CSMD3: variants seen among roughly 807,000 people sequenced by gnomAD.
CSMD3 encodes the protein CUB and Sushi multiple domains 3, also known as CUB and sushi domain-containing protein 3.
A neutral mutation model predicts 435.2 loss-of-function variants in CSMD3; 177 were observed. The observed-to-expected ratio is 0.41, with a 90% CI of 0.36 to 0.46. The LOEUF is 0.46. Among genes scored for constraint, CSMD3 ranks in the 20% least tolerant of loss-of-function variants. The pLI, the probability that CSMD3 is intolerant of heterozygous loss-of-function variation, is 0.34. For synonymous variants in CSMD3, 1,656 were observed against 1,520.5 expected (o/e 1.09, Z -2.07); for missense variants, 4,265 against 4,504.6 (o/e 0.95, Z 1.52).
At chr8:112,402,456 C>A (rs1831427103) in intron 35 of CSMD3, among the ~76,000 whole-genome samples, 1 of 152,048 alleles carries the variant, frequency 6.6e-6, no homozygotes, top group Non-Finnish European at 1.5e-5. Flanking sequence ...AACACTCTAA[C>A]TAAAGGAATA....
At chr8:112,859,453 C>T (rs1001097637) in intron 10 of CSMD3, among the ~76,000 whole-genome samples, 187 bp from the exon 11 acceptor site, 1 of 151,470 alleles carries the variant, frequency 6.6e-6, no homozygotes, top group Non-Finnish European at 1.5e-5. Context: ...TTCACAAGCT[C>T]GATATTTTCA....
intron 10 of CSMD3, among the ~76,000 whole-genome samples, chr8:112,912,811 T>C (rs937305557): frequency 6.6e-6 from 1 of 151,942 alleles, no homozygotes; most frequent in Non-Finnish European, 1.5e-5. Flanking sequence ...TTGTAAACCA[T>C]ATACCTGATA....
intron 32 of CSMD3, among the ~76,000 whole-genome samples, chr8:112,418,621 A>G (rs1348584868): frequency 6.6e-6 from 1 of 152,190 alleles, no homozygotes. Context: ...ATAAAAGTGT[A>G]GTATTATGAA....
At chr8:112,428,473 A>C (rs2130366845) in intron 32 of CSMD3, among the ~76,000 whole-genome samples, 1 of 152,304 alleles carries the variant, frequency 6.6e-6, no homozygotes, top group Non-Finnish European at 1.5e-5. Flanking sequence ...CAACCACATT[A>C]GAAACCAGGT....
intron 1 of CSMD3, among the ~76,000 whole-genome samples, chr8:113,387,009 C>CT (rs1224573491): frequency 2.0e-5 from 3 of 151,696 alleles, no homozygotes; most frequent in Admixed American, 6.6e-5. Context: ...GGAAAATGAT[C>CT]TTTTTGAGCA....
chr8:112,225,489 A>T (rs1188080939), intron 70 of CSMD3, among the ~76,000 whole-genome samples: 1 of 152,168 alleles, frequency 6.6e-6, no homozygotes, highest in African/African-American at 2.4e-5. Context: ...GGTTAATATG[A>T]AAAGTAACTG....
intron 1 of CSMD3, among the ~76,000 whole-genome samples, chr8:113,339,528 G>A (rs1330288453): frequency 6.6e-6 from 1 of 151,944 alleles, no homozygotes; most frequent in Non-Finnish European, 1.5e-5. Context: ...CTGCTAAAGT[G>A]TCTACCTCTC....
At chr8:112,745,513 T>C (rs1282243470) in intron 13 of CSMD3, among the ~76,000 whole-genome samples, 2 of 152,094 alleles carry the variant, frequency 1.3e-5, no homozygotes, top group East Asian at 1.9e-4. Flanking sequence ...AAAATTATTA[T>C]GCATACTCAG....
At chr8:112,524,420 A>G (rs1824641315) in intron 27 of CSMD3, among the ~76,000 whole-genome samples, 1 of 151,932 alleles carries the variant, frequency 6.6e-6, no homozygotes, top group African/African-American at 2.4e-5. Context: ...GTATGTTTTT[A>G]GTTTTACATT....
At chr8:112,544,039 C>T (rs932111533) in intron 27 of CSMD3, among the ~76,000 whole-genome samples, 2 of 152,018 alleles carry the variant, frequency 1.3e-5, no homozygotes, top group African/African-American at 4.8e-5. Context: ...AGAATCAGAG[C>T]CTGAAATGGT....
intron 38 of CSMD3, among the ~76,000 whole-genome samples, chr8:112,370,256 T>A (rs553982389): frequency 1.4e-4 from 22 of 152,190 alleles, no homozygotes; most frequent in Admixed American, 1.4e-3. Context: ...CAAAACATCA[T>A]CTTGTGTCTT....
chr8:112,885,558 C>T (rs80294154), intron 10 of CSMD3, among the ~76,000 whole-genome samples: 7,335 of 151,640 alleles, frequency 0.048, 236 homozygotes, highest in African/African-American at 0.058. Context: ...ACTTCATGTT[C>T]TTTTGTGGAT....
At chr8:113,099,593 C>T (rs146874180) in intron 4 of CSMD3, among the ~76,000 whole-genome samples, 16 of 152,072 alleles carry the variant, frequency 1.1e-4, no homozygotes, top group Middle Eastern at 6.8e-3. Flanking sequence ...GTATCTTTTA[C>T]TAAATAGTCA....
At chr8:112,620,906 A>T (rs1834017385) in intron 22 of CSMD3, among the ~76,000 whole-genome samples, 1 of 152,158 alleles carries the variant, frequency 6.6e-6, no homozygotes, top group African/African-American at 2.4e-5. Flanking sequence ...AACATCTGAA[A>T]TGTACTTTCA....
At chr8:112,376,355 T>C (rs1463932258) in intron 38 of CSMD3, among the ~76,000 whole-genome samples, 1 of 152,170 alleles carries the variant, frequency 6.6e-6, no homozygotes, top group Admixed American at 6.6e-5. Flanking sequence ...ATAAATTTTG[T>C]CTTATGGATT....
chr8:112,949,840 G>T (rs2130807782), intron 8 of CSMD3, among the ~76,000 whole-genome samples: 1 of 151,990 alleles, frequency 6.6e-6, no homozygotes, highest in African/African-American at 2.4e-5. Flanking sequence ...TCGCTGTTCT[G>T]CAATTTGCTG....
At chr8:112,355,361 A>C (rs544014095) in intron 38 of CSMD3, among the ~76,000 whole-genome samples, 1 of 152,346 alleles carries the variant, frequency 6.6e-6, no homozygotes, top group Non-Finnish European at 1.5e-5. Context: ...AGACCTAATT[A>C]AACTACAGAG....
chr8:112,342,528 A>G (rs1413434207), intron 41 of CSMD3, among the ~76,000 whole-genome samples: 1 of 152,102 alleles, frequency 6.6e-6, no homozygotes, highest in African/African-American at 2.4e-5. Context: ...GCCTTAAGTG[A>G]TTTATATATG....
At chr8:112,842,521 A>G (rs1316890211) in intron 11 of CSMD3, among the ~76,000 whole-genome samples, 1 of 146,360 alleles carries the variant, frequency 6.8e-6, no homozygotes, top group Non-Finnish European at 1.5e-5. Flanking sequence ...AGTAGTTACA[A>G]TAGTAATATT....
Sources: allele counts gnomAD v4.1 joint callset (sites outside exome capture counted in the v4.1 genomes callset), GRCh38; gene constraint gnomAD v4.1.1; transcripts MANE v1.5; gene names NCBI Gene and HGNC (gene_info 2026-07-23, HGNC 2026-07-21).